CHIC2: variants seen among roughly 807,000 people sequenced by gnomAD.
CHIC2 encodes the protein cysteine-rich hydrophobic domain-containing protein 2.
A neutral mutation model predicts 25.9 loss-of-function variants in CHIC2; 14 were observed. The observed-to-expected ratio is 0.54, with a 90% CI of 0.36 to 0.85. The LOEUF (loss-of-function observed/expected upper bound fraction) is 0.85. CHIC2 is among the 40% of genes least tolerant of loss of function. The probability of loss-of-function intolerance (pLI) is 0.01; values close to 1 mark genes in which losing one functional copy is unlikely to be tolerated. For missense variants in CHIC2, 146 were observed against 202.0 expected (o/e 0.72, Z 1.68); for synonymous variants, 70 against 72.0 (o/e 0.97, Z 0.14).
In CHIC2 at chr4:54,064,197, G is replaced by A. The variant is rs1472032437; in HGVS notation, c.104C>T (p.Ser35Phe). ...CGGGCCTTACACGGTGACGTGACCG[G>A]AGCCGCGGACGACCACCGGGTCCGG... The part of the protein sequence containing the change: ...YSPDPVVVRG[S>F]GHVTVFGLSN... The change falls in exon 1 of 6, where the codon TCC becomes TTC. Residue 35 changes from serine (S) to phenylalanine (F), a missense_variant. Coordinates refer to ENST00000263921, the MANE Select transcript of CHIC2 (RefSeq NM_012110.4). The surrounding 1 kb of genome is among the most constrained non-coding windows in gnomAD (Gnocchi z 4.2). The A allele has an allele frequency of 3.1e-6, 5 of 1,604,542 alleles. No individual in the cohort carries two copies. Among genetic ancestry groups the A allele is most frequent in the Non-Finnish European group, 4.3e-6 (5 of 1,175,756 alleles).
At chr4:54,090,249 C>G in the CHIC2 span, among the ~76,000 whole-genome samples, 25 of 152,110 alleles carry the variant, frequency 1.6e-4, no homozygotes, top group African/African-American at 6.0e-4. Context: ...TGCAGTGGTG[C>G]AATCTCGGCT....
chr4:54,084,277 T>C, the CHIC2 span, among the ~76,000 whole-genome samples: 1 of 152,174 alleles, frequency 6.6e-6, no homozygotes, highest in African/African-American at 2.4e-5. Context: ...ATAGCAACTG[T>C]CTCCTATTTC....
the CHIC2 span, among the ~76,000 whole-genome samples, chr4:54,074,015 G>A: frequency 1.2e-4 from 18 of 152,024 alleles, no homozygotes; most frequent in African/African-American, 2.9e-4. Context: ...AAAATTAGCC[G>A]GGCATGGTGG....
chr4:54,011,979 G>A (rs1006612346), intron 5 of CHIC2, among the ~76,000 whole-genome samples: 7 of 152,048 alleles, frequency 4.6e-5, no homozygotes, highest in Non-Finnish European at 7.4e-5. Flanking sequence ...TAGATAAAAT[G>A]AATTTTATTT....
intron 3 of CHIC2, among the ~76,000 whole-genome samples, chr4:54,020,665 T>C (rs908173641): frequency 6.6e-6 from 1 of 152,082 alleles, no homozygotes; most frequent in Non-Finnish European, 1.5e-5. Flanking sequence ...AAGCGGTCTT[T>C]TCACTCTCTT....
the CHIC2 span, among the ~76,000 whole-genome samples, chr4:54,073,552 A>C: frequency 6.6e-6 from 1 of 152,302 alleles, no homozygotes. Flanking sequence ...GCTTTCTGCC[A>C]CTCATGGGAG....
chr4:54,046,313 A>G (rs1166064907), intron 3 of CHIC2, among the ~76,000 whole-genome samples: 2 of 152,158 alleles, frequency 1.3e-5, no homozygotes, highest in African/African-American at 4.8e-5. Flanking sequence ...TAAAGCTCAT[A>G]TGGAACCAAA....
chr4:54,064,786 C>T (rs375507183), upstream of CHIC2: 135 of 409,570 alleles, frequency 3.3e-4, no homozygotes, highest in East Asian at 0.016. The surrounding 1 kb of genome is among the most constrained non-coding windows in gnomAD (Gnocchi z 4.2). Flanking sequence ...TCCTCTGCTT[C>T]TACCCGCAGA....
At chr4:54,066,338 T>C (rs1647582597), upstream of CHIC2, among the ~76,000 whole-genome samples, 1 of 152,144 alleles carries the variant, frequency 6.6e-6, no homozygotes, top group African/African-American at 2.4e-5. Context: ...TACGGGGTAA[T>C]AGGTGATGCT....
chr4:54,031,197 G>A (rs1004759299), intron 3 of CHIC2, among the ~76,000 whole-genome samples: 15 of 150,276 alleles, frequency 1.0e-4, no homozygotes, highest in Admixed American at 5.3e-4. Flanking sequence ...AAAACCTAAC[G>A]CTGAGAGAGG....
chr4:54,061,383 A>G, intron 1 of CHIC2, among the ~76,000 whole-genome samples: 1 of 152,178 alleles, frequency 6.6e-6, no homozygotes, highest in East Asian at 1.9e-4. Flanking sequence ...GTAAAGGGCT[A>G]CTCAAAAGTT....
At chr4:54,040,595 G>A (rs549414088) in intron 3 of CHIC2, among the ~76,000 whole-genome samples, 3 of 151,596 alleles carry the variant, frequency 2.0e-5, no homozygotes, top group East Asian at 3.9e-4. Context: ...CAGCTACTCC[G>A]GAGGCTGAGG....
chr4:54,065,812 A>G (rs1454518814), upstream of CHIC2, among the ~76,000 whole-genome samples: 1 of 152,210 alleles, frequency 6.6e-6, no homozygotes, highest in Admixed American at 6.5e-5. Context: ...AGAAAGTGCA[A>G]AGGAGGTCAA....
At chr4:54,071,271 C>T in the CHIC2 span, among the ~76,000 whole-genome samples, 2 of 152,192 alleles carry the variant, frequency 1.3e-5, no homozygotes, top group Non-Finnish European at 2.9e-5. Context: ...GTCATGTCAG[C>T]ACTTAAAAAG....
At chr4:54,054,085 G>A (rs895158153) in intron 1 of CHIC2, among the ~76,000 whole-genome samples, 1 of 152,150 alleles carries the variant, frequency 6.6e-6, no homozygotes, top group Non-Finnish European at 1.5e-5. Flanking sequence ...ACTACACCCG[G>A]CAGACAAATA....
intron 3 of CHIC2, among the ~76,000 whole-genome samples, chr4:54,026,232 T>C (rs1716053698): frequency 6.6e-6 from 1 of 151,950 alleles, no homozygotes. Flanking sequence ...AAAAAAACAA[T>C]TTTTTTGTTT....
chr4:54,071,268 C>G, the CHIC2 span, among the ~76,000 whole-genome samples: 2 of 152,182 alleles, frequency 1.3e-5, no homozygotes, highest in South Asian at 4.1e-4. Context: ...AGTGTCATGT[C>G]AGCACTTAAA....
At position 54,045,746 on chromosome 4, in the gene CHIC2, G is replaced by A. The variant is rs1465876072; in HGVS notation, c.330+3209C>T. On this transcript the variant is annotated intron_variant, in intron 3 of 5. Transcript: ENST00000263921. ...TCCCTTTGAAAACTGGCACAAGACA[G>A]GGATGCCCTCTCTCACCACTCATAT... Among the ~76,000 whole-genome samples the A allele has an allele frequency of 2.1e-3, 317 of 152,170 alleles. 1 individual carries two copies. Among genetic ancestry groups the A allele is most frequent in the African/African-American group, 7.5e-3 (310 of 41,528 alleles).
At chr4:54,045,079 C>A (rs1716740226) in intron 3 of CHIC2, among the ~76,000 whole-genome samples, 1 of 152,194 alleles carries the variant, frequency 6.6e-6, no homozygotes, top group Non-Finnish European at 1.5e-5. Flanking sequence ...GACACATACA[C>A]TCTCCCAAGA....
Sources: allele counts gnomAD v4.1 joint callset (sites outside exome capture counted in the v4.1 genomes callset), GRCh38; gene constraint gnomAD v4.1.1; non-coding constraint Gnocchi (gnomAD v3.1); transcripts MANE v1.5; gene names NCBI Gene and HGNC (gene_info 2026-07-23, HGNC 2026-07-21).